The following CNTN6 variants were observed in gnomAD, a reference collection of about 807,000 sequenced individuals.
CNTN6 encodes the protein contactin-6.
Under a neutral mutation model 122.8 loss-of-function variants are expected in CNTN6, and 137 were observed. The ratio of observed to expected loss-of-function variants is 1.12; its 90% confidence interval spans 0.97 to 1.29. The LOEUF (loss-of-function observed/expected upper bound fraction) is 1.29. Ranked by LOEUF, CNTN6 falls within the 50% of genes most tolerant of loss-of-function variation. CNTN6 has a pLI of 0.00. For synonymous variants in CNTN6, 570 were observed against 426.0 expected (o/e 1.34, Z -4.16); for missense variants, 1,634 against 1,223.4 (o/e 1.34, Z -5.01).
chr3:1,159,628 A>T (rs964843140), intron 2 of CNTN6, among the ~76,000 whole-genome samples: 58 of 151,752 alleles, frequency 3.8e-4, no homozygotes, highest in African/African-American at 1.3e-3. Context: ...TTTTTATCTT[A>T]TAAAAATAAA....
intron 5 of CNTN6, among the ~76,000 whole-genome samples, chr3:1,280,459 A>ATTTTTTTTTTTTTTTTT (rs71619483): frequency 0.019 from 1,248 of 66,572 alleles, 313 homozygotes; most frequent in Non-Finnish European, 0.027. Flanking sequence ...TGTAATACCA[A>ATTTTTTTTTTTTTTTTT]TTTTTTTTTT....
At chr3:1,362,899 A>T (rs1039578533) in intron 12 of CNTN6, among the ~76,000 whole-genome samples, 8 of 151,850 alleles carry the variant, frequency 5.3e-5, no homozygotes, top group African/African-American at 1.9e-4. Flanking sequence ...GATAAAAAAG[A>T]TACATTAAGT....
chr3:1,295,885 C>T (rs1696143930), intron 6 of CNTN6, 81 bp downstream of exon 6: 1 of 1,316,102 alleles, frequency 7.6e-7, no homozygotes, highest in East Asian at 2.4e-5. Context: ...TTTCTGCTTC[C>T]TTCTTGTTTG....
intron 4 of CNTN6, among the ~76,000 whole-genome samples, chr3:1,236,660 T>C (rs4063468): frequency 0.3 from 45,382 of 151,966 alleles, 6,999 homozygotes; most frequent in East Asian, 0.43. Flanking sequence ...AATGATAATA[T>C]GACAAAATAA....
intron 1 of CNTN6, among the ~76,000 whole-genome samples, chr3:1,117,475 C>A (rs754026251): frequency 2.0e-5 from 3 of 152,090 alleles, no homozygotes; most frequent in Non-Finnish European, 4.4e-5. Context: ...TTTGTTTGAT[C>A]GGTATGTGAC....
chr3:1,403,613 C>T lies in CNTN6; in HGVS notation c.*195C>T, dbSNP rs573419646. 9.9e-5 allele frequency: 37 copies of T among 371,870 alleles called. No individual in the cohort carries two copies. Among genetic ancestry groups the T allele is most frequent in the Admixed American group, 6.2e-4 (14 of 22,700 alleles). 23.0% of individuals were successfully genotyped at this position (371,870 alleles called of 1,614,324 possible). On this transcript the variant is annotated 3_prime_UTR_variant, in exon 23 of 23. Coordinates refer to ENST00000446702, the MANE Select transcript of CNTN6 (RefSeq NM_001289080.2). ...TTAAACACTTTTGAATTTTAAAATC[C>T]GCACATGATTACATGAATTCCTAGG... is the stretch of plus-strand genomic sequence containing the variant.
intron 7 of CNTN6, among the ~76,000 whole-genome samples, chr3:1,308,910 T>G (rs991180179): frequency 6.6e-6 from 1 of 152,216 alleles, no homozygotes; most frequent in African/African-American, 2.4e-5. Context: ...TTTAATGTGA[T>G]TATTTGCTAT....
chr3:1,326,522 G>C (rs1041581890), intron 9 of CNTN6, among the ~76,000 whole-genome samples: 1 of 151,684 alleles, frequency 6.6e-6, no homozygotes, highest in Non-Finnish European at 1.5e-5. Context: ...GAACACTGAC[G>C]ACTGTCTTTA....
intron 12 of CNTN6, among the ~76,000 whole-genome samples, chr3:1,355,197 A>G (rs2126085045): frequency 6.6e-6 from 1 of 151,760 alleles, no homozygotes; most frequent in South Asian, 2.1e-4. Flanking sequence ...AACAAGAACT[A>G]TCCTATGCAA....
At chr3:1,178,780 G>C (rs767962169) in intron 2 of CNTN6, among the ~76,000 whole-genome samples, 1 of 152,170 alleles carries the variant, frequency 6.6e-6, no homozygotes, top group South Asian at 2.1e-4. Context: ...GTTTGGGTTT[G>C]TTATGCTTGC....
chr3:1,135,000 T>A (rs1305657697), intron 1 of CNTN6, among the ~76,000 whole-genome samples: 1 of 152,086 alleles, frequency 6.6e-6, no homozygotes. Flanking sequence ...TGCAAAGGGC[T>A]GAGGAATGAG....
intron 8 of CNTN6, among the ~76,000 whole-genome samples, chr3:1,324,491 C>T (rs1317304797): frequency 6.7e-6 from 1 of 149,502 alleles, no homozygotes; most frequent in Admixed American, 6.6e-5. Flanking sequence ...TTCTTTGGCT[C>T]CTTCGTGAGC....
chr3:1,299,446 T>C (rs1293078462), intron 7 of CNTN6, among the ~76,000 whole-genome samples: 1 of 152,164 alleles, frequency 6.6e-6, no homozygotes, highest in Non-Finnish European at 1.5e-5. Context: ...TAAAAAATGG[T>C]CTTCCACAAT....
At chr3:1,384,921 A>T (rs909306776) in intron 19 of CNTN6, among the ~76,000 whole-genome samples, 2 of 151,194 alleles carry the variant, frequency 1.3e-5, no homozygotes, top group African/African-American at 4.9e-5. Flanking sequence ...CTCTTATCTG[A>T]ACCCTAGTTA....
intron 7 of CNTN6, among the ~76,000 whole-genome samples, chr3:1,311,639 T>C (rs1295907407): frequency 6.6e-6 from 1 of 150,716 alleles, no homozygotes; most frequent in Non-Finnish European, 1.5e-5. Context: ...TCTGAAAATA[T>C]AGGCAAGAAA....
intron 7 of CNTN6, 23 bp from the exon 8 acceptor site, chr3:1,321,627 T>A (rs1364108647): frequency 1.9e-6 from 3 of 1,578,622 alleles, no homozygotes; most frequent in South Asian, 2.3e-5. Context: ...CGTCTTCTAT[T>A]CTAATGAGGT....
chr3:1,388,065 T>C (rs567473214), intron 20 of CNTN6, among the ~76,000 whole-genome samples: 212 of 151,576 alleles, frequency 1.4e-3, no homozygotes, highest in African/African-American at 3.7e-3. Flanking sequence ...CCACCACAGC[T>C]CAAGGAGGCC....
chr3:1,215,404 T>G lies in CNTN6; in HGVS notation c.56-5283T>G, dbSNP rs1226938249. ...ATCTCAAAACATTATAGCAGTAATG[T>G]GACTTTCAGTGGGTATCTGTTTTGT... On this transcript the variant is annotated intron_variant, in intron 2 of 22. Coordinates refer to ENST00000446702, the MANE Select transcript of CNTN6 (RefSeq NM_001289080.2). Among the ~76,000 whole-genome samples the G allele has an allele frequency of 2.6e-5, 4 of 152,232 alleles. No homozygotes were observed. The East Asian group carries it at 7.7e-4, about 29-fold the overall frequency.
intron 7 of CNTN6, among the ~76,000 whole-genome samples, chr3:1,310,131 A>G (rs1699002674): frequency 6.6e-6 from 1 of 151,852 alleles, no homozygotes; most frequent in African/African-American, 2.4e-5. Flanking sequence ...GTATTATTGC[A>G]CCAGCTAGGA....
Sources: gnomAD v4.1 joint callset for allele counts (sites outside exome capture counted in the v4.1 genomes callset) on GRCh38, gnomAD v4.1.1 for gene constraint, MANE v1.5 for transcripts, NCBI Gene and HGNC (gene_info 2026-07-23, HGNC 2026-07-21) for gene names.